The following ISM1 variants were observed in gnomAD, a reference collection of about 807,000 sequenced individuals.
ISM1 encodes the protein isthmin-1.
Under a neutral mutation model 46.3 loss-of-function variants are expected in ISM1, and 25 were observed. The ratio of observed to expected loss-of-function variants is 0.54; its 90% confidence interval spans 0.39 to 0.75. The LOEUF (loss-of-function observed/expected upper bound fraction) is 0.75, where lower values mean the gene tolerates loss of function less well. ISM1 is among the 30% of genes least tolerant of loss of function. The probability of loss-of-function intolerance (pLI) is 0.00; values close to 1 mark genes in which losing one functional copy is unlikely to be tolerated. For missense variants in ISM1, 536 were observed against 625.4 expected (o/e 0.86, Z 1.52); for synonymous variants, 255 against 256.7 (o/e 0.99, Z 0.06).
At position 13,282,734 on chromosome 20, in the gene ISM1, C is replaced by G. The variant is rs150692848; in HGVS notation, c.643+2836C>G. On this transcript the variant is annotated intron_variant, in intron 3 of 5. Coordinates refer to ENST00000262487, the MANE Select transcript of ISM1 (RefSeq NM_080826.2). ...TAAAGTCGTGTTCTGTGCAGTACCTCTAAAGCAGTGCTTCTCAGACTTTCA... is the reference window on the plus strand; with the variant it reads ...TAAAGTCGTGTTCTGTGCAGTACCTGTAAAGCAGTGCTTCTCAGACTTTCA... Among the ~76,000 whole-genome samples the G allele has an allele frequency of 5.4e-4, 82 of 152,350 alleles. No homozygotes were observed. The East Asian group carries it at 0.016, about 29-fold the overall frequency.
chr20:13,278,546 C>G (rs2040205374), intron 2 of ISM1, among the ~76,000 whole-genome samples: 4 of 152,220 alleles, frequency 2.6e-5, no homozygotes, highest in Non-Finnish European at 5.9e-5. Flanking sequence ...AAGTTAGGGA[C>G]AGCATGGGCT....
chr20:13,254,058 T>TAA (rs34371292), intron 1 of ISM1, among the ~76,000 whole-genome samples: 1 of 116,208 alleles, frequency 8.6e-6, no homozygotes, highest in Non-Finnish European at 1.8e-5. Context: ...TCATCTCTAC[T>TAA]AAAAAAAAAA....
intron 1 of ISM1, among the ~76,000 whole-genome samples, chr20:13,236,487 A>G (rs1216693173): frequency 6.6e-6 from 1 of 151,988 alleles, no homozygotes; most frequent in Non-Finnish European, 1.5e-5. Flanking sequence ...GCCCCTCCAA[A>G]TTTCATGTCC....
chr20:13,312,173 T>C, the ISM1 span, among the ~76,000 whole-genome samples: 1 of 152,230 alleles, frequency 6.6e-6, no homozygotes, highest in African/African-American at 2.4e-5. Flanking sequence ...ATATGTGATA[T>C]ATTTTAAACC....
chr20:13,234,397 G>A (rs896827325), intron 1 of ISM1, among the ~76,000 whole-genome samples: 2 of 152,176 alleles, frequency 1.3e-5, no homozygotes, highest in East Asian at 1.9e-4. Flanking sequence ...GTTGTGAATA[G>A]TGCTGTGATA....
chr20:13,312,150 C>T, the ISM1 span, among the ~76,000 whole-genome samples: 2 of 152,100 alleles, frequency 1.3e-5, no homozygotes, highest in Non-Finnish European at 2.9e-5. Context: ...ACAACTGCTA[C>T]GTTATCTTCT....
chr20:13,261,139 C>T (rs1354017150), intron 1 of ISM1, among the ~76,000 whole-genome samples: 1 of 152,180 alleles, frequency 6.6e-6, no homozygotes, highest in Non-Finnish European at 1.5e-5. Context: ...GAAGGCCAGG[C>T]ACAGTGGCTC....
At chr20:13,304,878 C>T (rs1334491553), downstream of ISM1, among the ~76,000 whole-genome samples, 1 of 152,154 alleles carries the variant, frequency 6.6e-6, no homozygotes, top group African/African-American at 2.4e-5. Flanking sequence ...CATCTCTCTT[C>T]CCCACTTCCC....
At chr20:13,242,191 G>C (rs1183738653) in intron 1 of ISM1, among the ~76,000 whole-genome samples, 2 of 152,130 alleles carry the variant, frequency 1.3e-5, no homozygotes, top group Admixed American at 1.3e-4. Flanking sequence ...GGAGGTCCAA[G>C]AACTGGGGAG....
chr20:13,298,797 C>A, intron 5 of ISM1, 145 bp from the exon 6 acceptor site: 1 of 725,396 alleles, frequency 1.4e-6, no homozygotes, highest in Non-Finnish European at 2.3e-6. Flanking sequence ...GGCTCTAGGA[C>A]AGGAGTTGTT....
Position 13,299,270 on chromosome 20 carries a change from G to A in ISM1, c.1206G>A (p.Thr402=), listed in dbSNP as rs761715304. The change falls in exon 6 of 6, where the codon ACG becomes ACA. Residue 402 remains threonine (T), a synonymous_variant. Transcript: ENST00000262487. The surrounding 1 kb of genome is among the most constrained non-coding windows in gnomAD (Gnocchi z 5.8). ...QLITRGKGAG[T]PNLISTEFSA... ...TCACCAGGGGCAAGGGGGCGGGCACGCCCAACCTCATCAGCACCGAGTTCT... is the reference window on the plus strand; with the variant it reads ...TCACCAGGGGCAAGGGGGCGGGCACACCCAACCTCATCAGCACCGAGTTCT... 6.8e-6 allele frequency: 11 copies of A among 1,609,768 alleles called. No individual in the cohort carries two copies. Among genetic ancestry groups the A allele is most frequent in the African/African-American group, 1.3e-5 (1 of 74,802 alleles).
chr20:13,322,663 C>G, the ISM1 span, among the ~76,000 whole-genome samples: 1 of 152,202 alleles, frequency 6.6e-6, no homozygotes, highest in African/African-American at 2.4e-5. Flanking sequence ...TACAGACAGA[C>G]AGACTTTGAG....
chr20:13,234,493 T>C (rs1247274120), intron 1 of ISM1, among the ~76,000 whole-genome samples: 1 of 152,230 alleles, frequency 6.6e-6, no homozygotes, highest in Admixed American at 6.5e-5. Flanking sequence ...CTGGATTGAA[T>C]GGTAGTTCTC....
chr20:13,300,322 G>A lies in ISM1; in HGVS notation c.*863G>A, dbSNP rs1296312755. ...TCCAAAGGAAAACAACAAAACAAAT[G>A]GGAAAAAGATAATGGACCGCATTTC... On this transcript the variant is annotated 3_prime_UTR_variant, in exon 6 of 6. Transcript: ENST00000262487. 1.3e-5 allele frequency: 2 copies of A among 151,942 alleles called. No homozygotes were observed. Among genetic ancestry groups the A allele is most frequent in the African/African-American group, 2.4e-5 (1 of 41,362 alleles). The allele number at this position is 151,942 out of a possible 1,614,324, so 9.4% of individuals were successfully genotyped here.
intron 1 of ISM1, among the ~76,000 whole-genome samples, chr20:13,250,259 C>T (rs1409832401): frequency 1.3e-5 from 2 of 151,986 alleles, no homozygotes; most frequent in Non-Finnish European, 2.9e-5. Flanking sequence ...GTACTGTGTC[C>T]AATTTTAGGT....
intron 1 of ISM1, among the ~76,000 whole-genome samples, chr20:13,262,877 C>T (rs914024084): frequency 5.9e-5 from 9 of 152,174 alleles, no homozygotes; most frequent in African/African-American, 2.2e-4. Flanking sequence ...AGATAATAAA[C>T]GAGGTCACTG....
At chr20:13,238,979 C>T (rs1255796206) in intron 1 of ISM1, 1 of 152,342 alleles carries the variant, frequency 6.6e-6, no homozygotes, top group African/African-American at 2.4e-5. Context: ...CAGGAAGACA[C>T]GAACCAGGTG....
the ISM1 span, among the ~76,000 whole-genome samples, chr20:13,326,107 C>G: frequency 6.6e-6 from 1 of 152,158 alleles, no homozygotes; most frequent in Non-Finnish European, 1.5e-5. Flanking sequence ...CAGCATAAGG[C>G]CTTTGAGATT....
the ISM1 span, among the ~76,000 whole-genome samples, chr20:13,311,590 G>T: frequency 3.9e-5 from 6 of 152,194 alleles, no homozygotes; most frequent in East Asian, 9.6e-4. Flanking sequence ...CACATTATGA[G>T]ATGCTAGTCA....
Sources: gnomAD v4.1 joint callset for allele counts (sites outside exome capture counted in the v4.1 genomes callset) on GRCh38, gnomAD v4.1.1 for gene constraint, Gnocchi (gnomAD v3.1) non-coding constraint, MANE v1.5 for transcripts, NCBI Gene and HGNC (gene_info 2026-07-23, HGNC 2026-07-21) for gene names.